The following ODAM variants were observed in gnomAD, a reference collection of about 807,000 sequenced individuals.
The protein encoded by ODAM is odontogenic, ameloblast associated.
In ODAM, 55 loss-of-function variants were observed where a neutral mutation model predicts 48.5. The observed-to-expected ratio is 1.13, with a 90% CI of 0.91 to 1.42. ODAM has a LOEUF of 1.42. Ranked by LOEUF, ODAM falls within the 40% of genes most tolerant of loss-of-function variation. The pLI is 0.00. For missense variants in ODAM, 353 were observed against 323.6 expected (o/e 1.09, Z -0.70); for synonymous variants, 127 against 107.8 (o/e 1.18, Z -1.10).
Position 70,202,804 on chromosome 4 carries a change from AGACATGACAGTGCAGGAGTT to A in ODAM, c.698_717del (p.Arg233IlefsTer35). The A allele has an allele frequency of 1.2e-6, 2 of 1,612,066 alleles. No homozygotes were observed. The highest frequency in any genetic ancestry group is 1.7e-6 in the Non-Finnish European group (2 of 1,178,782). On this transcript the variant is annotated frameshift_variant, in exon 10 of 12. Coordinates refer to ENST00000683306, the MANE Select transcript of ODAM (RefSeq NM_017855.4). LOFTEE classifies it high-confidence loss of function. ...TTTACAAAAAGAAGCGATCAACTTT[AGACATGACAGTGCAGGAGTT>A]TTCATGCCCTCAACTTCACCAAAAC...
intron 3 of ODAM, 104 bp downstream of exon 3, chr4:70,196,837 C>A: frequency 1.2e-6 from 1 of 838,004 alleles, no homozygotes; most frequent in Non-Finnish European, 1.9e-6. Context: ...TCACCACTAG[C>A]TTTTATGTAT....
rs933413905 is a variant in ODAM, at chr4:70,202,258, G to T, written c.577G>T (p.Ala193Ser). 1.3e-5 allele frequency: 21 copies of T among 1,610,302 alleles called. No individual in the cohort carries two copies. The highest frequency in any genetic ancestry group is 1.6e-4 in the Middle Eastern group (1 of 6,064). The part of the protein sequence containing the change: ...FGYIPQLAEP[A>S]ISGGQQQLAF... Reference sequence around the variant, plus strand: ...TTTTTAAAACTTTTTGTGTTTTTAGGCTATATCAGGAGGACAGCAGCAACT... The same window carrying T: ...TTTTTAAAACTTTTTGTGTTTTTAGTCTATATCAGGAGGACAGCAGCAACT... The change falls in exon 9 of 12, where the codon GCT becomes TCT. Residue 193 changes from alanine (A) to serine (S), a missense_variant and splice_region_variant. Ala to Ser is a moderately conservative substitution (Grantham distance 99). Coordinates refer to ENST00000683306, the MANE Select transcript of ODAM (RefSeq NM_017855.4).
At chr4:70,196,227 C>G (rs984450336) in intron 1 of ODAM, among the ~76,000 whole-genome samples, 2 of 151,890 alleles carry the variant, frequency 1.3e-5, no homozygotes, top group Admixed American at 1.3e-4. Context: ...TAGGGCAGCA[C>G]TAGGAGGAGA....
chr4:70,203,287 G>T (rs3775757), intron 11 of ODAM, 73 bp downstream of exon 11: 93,784 of 864,742 alleles, frequency 0.11, 5,738 homozygotes, highest in Non-Finnish European at 0.13. Flanking sequence ...AAAAAAGTTG[G>T]CAGAGGAGCT....
chr4:70,200,475 A>T, intron 6 of ODAM, 22 bp from the exon 7 acceptor site: 2 of 1,302,968 alleles, frequency 1.5e-6, no homozygotes, highest in African/African-American at 2.9e-5. Flanking sequence ...AATCTCTTGT[A>T]TCCTTCTCTT....
At chr4:70,201,798 C>T (rs1729499548) in intron 8 of ODAM, among the ~76,000 whole-genome samples, 1 of 151,904 alleles carries the variant, frequency 6.6e-6, no homozygotes, top group Non-Finnish European at 1.5e-5. Context: ...AGTAGGGTAG[C>T]TCTATGATTA....
intron 4 of ODAM, chr4:70,197,597 G>A: frequency 1.9e-6 from 1 of 533,546 alleles, no homozygotes; most frequent in Non-Finnish European, 3.3e-6. Context: ...AAAAAGTCAT[G>A]CCCAGTTAAC....
intron 11 of ODAM, 74 bp downstream of exon 11, chr4:70,203,288 C>A: frequency 1.2e-6 from 1 of 847,462 alleles, no homozygotes; most frequent in Non-Finnish European, 2.0e-6. Context: ...AAAAAGTTGG[C>A]AGAGGAGCTA....
intron 6 of ODAM, among the ~76,000 whole-genome samples, chr4:70,198,919 A>T (rs1320160817): frequency 6.6e-6 from 1 of 152,004 alleles, no homozygotes; most frequent in Non-Finnish European, 1.5e-5. Context: ...CTCTGCATCC[A>T]AAGTGCTGGA....
intron 9 of ODAM, among the ~76,000 whole-genome samples, 163 bp from the exon 10 acceptor site, chr4:70,202,593 A>G (rs927312042): frequency 4.6e-5 from 7 of 151,934 alleles, no homozygotes; most frequent in African/African-American, 1.7e-4. Flanking sequence ...GTATATATTC[A>G]TGGTCTTTTA....
Position 70,198,075 on chromosome 4 carries a change from G to C in ODAM, c.293G>C (p.Ser98Thr), listed in dbSNP as rs1729416157. ...CAGATACCCTTAACAGGAGAGGCCAGTTTTGCCCAAGGAGCCCAGGCAGGC... is the reference window on the plus strand; with the variant it reads ...CAGATACCCTTAACAGGAGAGGCCACTTTTGCCCAAGGAGCCCAGGCAGGC... Reference protein sequence around the residue: ...PNQIPLTGEASFAQGAQAGQV... With the variant: ...PNQIPLTGEATFAQGAQAGQV... Residue 98 changes from serine (S) to threonine (T), a missense_variant, in exon 5 of 12, where the codon AGT (serine) becomes ACT (threonine). Ser to Thr is a moderately conservative substitution (Grantham distance 58). Coordinates refer to ENST00000683306, the MANE Select transcript of ODAM (RefSeq NM_017855.4). The C allele has an allele frequency of 3.1e-6, 5 of 1,613,212 alleles. No individual in the cohort carries two copies. The Admixed American group carries it at 8.3e-5, about 27-fold the overall frequency.
intron 7 of ODAM, 140 bp downstream of exon 7, chr4:70,200,741 A>T (rs1729477839): frequency 1.8e-6 from 1 of 544,970 alleles, no homozygotes. Context: ...ATAAGAGGGT[A>T]GGTATAGTGT....
chr4:70,198,482 G>C (rs1729428296), intron 5 of ODAM, 97 bp from the exon 6 acceptor site: 1 of 955,518 alleles, frequency 1.0e-6, no homozygotes, highest in Non-Finnish European at 1.6e-6. Context: ...TTAACACAAA[G>C]GATAAATTTA....
chr4:70,203,337 C>T (rs925721434), intron 11 of ODAM, 123 bp downstream of exon 11: 4 of 516,426 alleles, frequency 7.7e-6, no homozygotes, highest in African/African-American at 5.8e-5. Context: ...AACAAGTTAG[C>T]TATATATACC....
intron 5 of ODAM, 46 bp from the exon 6 acceptor site, chr4:70,198,533 T>A (rs750036144): frequency 2.1e-6 from 3 of 1,437,600 alleles, no homozygotes; most frequent in Non-Finnish European, 2.9e-6. Flanking sequence ...GATTTTTAAA[T>A]AACAAAGTCA....
intron 8 of ODAM, 120 bp downstream of exon 8, chr4:70,201,621 T>TC: frequency 1.5e-6 from 1 of 655,520 alleles, no homozygotes; most frequent in East Asian, 2.9e-5. Flanking sequence ...TTGAACAAAA[T>TC]TGTATGTATC....
In ODAM at chr4:70,200,535, G is replaced by A. The variant is rs370270011; in HGVS notation, c.462G>A (p.Trp154Ter). The change falls in exon 7 of 12, where the codon TGG becomes TGA. Residue 154 changes from tryptophan to a stop codon, truncating the protein, a stop_gained. Transcript: ENST00000683306. LOFTEE classifies it high-confidence loss of function. ...QYYPVYMVLP[W>*]EQPQQTVPRS... Reference sequence around the variant, plus strand: ...ATCCAGTTTACATGGTCCTACCCTGGGAACAACCTCAGCAAACAGTTCCAA... The same window carrying A: ...ATCCAGTTTACATGGTCCTACCCTGAGAACAACCTCAGCAAACAGTTCCAA... 140 of 1,611,064 alleles carry A rather than the reference G, an allele frequency of 8.7e-5. No homozygotes were observed. In the African/African-American group the frequency reaches 1.8e-3, roughly 21 times the overall value.
At chr4:70,203,422 A>G (rs1036284189) in intron 11 of ODAM, among the ~76,000 whole-genome samples, 3 of 151,938 alleles carry the variant, frequency 2.0e-5, no homozygotes, top group Non-Finnish European at 4.4e-5. Flanking sequence ...ATGTCTGCCT[A>G]TAAGTTTGGT....
chr4:70,203,746 A>G (rs113906128), intron 11 of ODAM, among the ~76,000 whole-genome samples: 27 of 152,034 alleles, frequency 1.8e-4, no homozygotes, highest in African/African-American at 6.3e-4. Context: ...CAGTCTGGGA[A>G]CAGCACCAAA....
Sources: gnomAD v4.1 joint callset for allele counts (sites outside exome capture counted in the v4.1 genomes callset) on GRCh38, gnomAD v4.1.1 for gene constraint, MANE v1.5 for transcripts, NCBI Gene and HGNC (gene_info 2026-07-23, HGNC 2026-07-21) for gene names.